Variants in MTUS2 observed in about 807,000 individuals in gnomAD.
MTUS2 encodes the protein microtubule associated scaffold protein 2.
Under a neutral mutation model 114.1 loss-of-function variants are expected in MTUS2, and 40 were observed. That is an observed-to-expected ratio of 0.35 (90% CI 0.27 to 0.46). The LOEUF (loss-of-function observed/expected upper bound fraction) is 0.46. Ranked by LOEUF, MTUS2 falls within the 20% of genes least tolerant of loss-of-function variation. The pLI, the probability that MTUS2 is intolerant of heterozygous loss-of-function variation, is 1.00. For synonymous variants in MTUS2, 688 were observed against 672.0 expected (o/e 1.02, Z -0.37); for missense variants, 1,679 against 1,705.4 (o/e 0.98, Z 0.27).
At chr13:29,253,686 C>T (rs1474041753) in intron 5 of MTUS2, among the ~76,000 whole-genome samples, 1 of 152,056 alleles carries the variant, frequency 6.6e-6, no homozygotes, top group African/African-American at 2.4e-5. Context: ...TTTCATACTG[C>T]TATGAAGAAA....
intron 8 of MTUS2, among the ~76,000 whole-genome samples, chr13:29,372,494 T>A (rs1447322158): frequency 2.0e-5 from 2 of 100,718 alleles, no homozygotes; most frequent in Admixed American, 1.2e-4. Flanking sequence ...AACTATAAGG[T>A]TGACCAGAAG....
chr13:29,238,509 T>C (rs1896618341), intron 5 of MTUS2, among the ~76,000 whole-genome samples: 1 of 152,178 alleles, frequency 6.6e-6, no homozygotes, highest in Admixed American at 6.5e-5. Context: ...CCAACAGTCC[T>C]AAAAGCTCAA....
chr13:29,092,632 G>C (rs1890008667), intron 4 of MTUS2, among the ~76,000 whole-genome samples: 3 of 152,156 alleles, frequency 2.0e-5, no homozygotes, highest in Admixed American at 2.0e-4. Flanking sequence ...CTGAGCATGG[G>C]ATCCAGGCTG....
At chr13:28,900,926 A>G (rs969890839) in intron 2 of MTUS2, among the ~76,000 whole-genome samples, 5 of 152,174 alleles carry the variant, frequency 3.3e-5, no homozygotes. Flanking sequence ...TCTCAGTAGT[A>G]TTGTGATTGC....
chr13:29,248,669 G>A (rs773942044), intron 5 of MTUS2, among the ~76,000 whole-genome samples: 8 of 151,800 alleles, frequency 5.3e-5, no homozygotes, highest in Non-Finnish European at 1.0e-4. Flanking sequence ...GTTGTTCCCC[G>A]CCTTGTGTCC....
In MTUS2 at chr13:28,956,273, C is replaced by CT. The variant is rs992851162; in HGVS notation, c.-242-68178dup. ...TCATTTCCGCCATGGTTGTCACTAG[C>CT]TTTTTTCAGTCCCCACCCTCACCCT... On this transcript the variant is annotated intron_variant, in intron 2 of 15. Coordinates refer to ENST00000612955, the MANE Select transcript of MTUS2 (RefSeq NM_001033602.4). Among the ~76,000 whole-genome samples, 17 of 152,064 alleles carry CT rather than the reference C, an allele frequency of 1.1e-4. 1 individual carries two copies. The highest frequency in any genetic ancestry group is 6.6e-5 in the Admixed American group (1 of 15,262).
chr13:29,273,124 A>G (rs931098840), intron 5 of MTUS2, among the ~76,000 whole-genome samples: 8 of 152,192 alleles, frequency 5.3e-5, no homozygotes, highest in Non-Finnish European at 1.0e-4. Context: ...CAACATCTGA[A>G]TGTTGGAGGA....
At chr13:29,407,235 G>C (rs1874829206) in intron 8 of MTUS2, among the ~76,000 whole-genome samples, 1 of 152,082 alleles carries the variant, frequency 6.6e-6, no homozygotes, top group East Asian at 1.9e-4. Context: ...AACAGAGCGA[G>C]ACTGCATCTC....
intron 5 of MTUS2, among the ~76,000 whole-genome samples, chr13:29,228,956 T>C (rs918057626): frequency 1.8e-4 from 28 of 152,142 alleles, no homozygotes; most frequent in African/African-American, 6.8e-4. Context: ...CAAGACAATA[T>C]CCTTAGGACA....
chr13:29,120,425 C>T (rs1891260859), intron 5 of MTUS2, among the ~76,000 whole-genome samples: 1 of 151,828 alleles, frequency 6.6e-6, no homozygotes, highest in African/African-American at 2.4e-5. Context: ...CAGTATTATG[C>T]ATGAGACTAT....
chr13:29,465,317 C>T (rs1243519963), intron 9 of MTUS2, among the ~76,000 whole-genome samples: 6 of 152,264 alleles, frequency 3.9e-5, no homozygotes, highest in African/African-American at 7.2e-5. Context: ...TAGATAAGGA[C>T]GGTGAGGCTT....
chr13:29,340,087 C>T (rs1298065963), intron 7 of MTUS2, among the ~76,000 whole-genome samples: 5 of 152,234 alleles, frequency 3.3e-5, no homozygotes. Flanking sequence ...CAAGCTGGCA[C>T]CCTCTGGCCA....
chr13:29,004,160 T>C (rs950215707), intron 2 of MTUS2, among the ~76,000 whole-genome samples: 1 of 152,194 alleles, frequency 6.6e-6, no homozygotes, highest in Non-Finnish European at 1.5e-5. Flanking sequence ...TGACATTTTC[T>C]GTCTGCAACT....
intron 2 of MTUS2, among the ~76,000 whole-genome samples, chr13:28,895,676 T>C (rs1468112770): frequency 6.6e-6 from 1 of 152,162 alleles, no homozygotes; most frequent in Admixed American, 6.5e-5. Flanking sequence ...AATAACTGAG[T>C]TGTTCATTGT....
intron 5 of MTUS2, among the ~76,000 whole-genome samples, chr13:29,133,551 A>C (rs971387176): frequency 1.3e-5 from 2 of 152,206 alleles, no homozygotes; most frequent in African/African-American, 4.8e-5. Context: ...TAAAGGCCCA[A>C]CTTTGTTGTT....
chr13:28,823,856 C>T (rs1453464353), intron 1 of MTUS2, among the ~76,000 whole-genome samples: 3 of 152,126 alleles, frequency 2.0e-5, no homozygotes, highest in Non-Finnish European at 4.4e-5. Flanking sequence ...GCAAACACGT[C>T]CTTCTTCACA....
At chr13:29,001,521 C>T (rs960379059) in intron 2 of MTUS2, among the ~76,000 whole-genome samples, 3 of 152,116 alleles carry the variant, frequency 2.0e-5, no homozygotes, top group Admixed American at 1.3e-4. Flanking sequence ...TCAACTGAAA[C>T]GCAGGCAGAT....
intron 6 of MTUS2, among the ~76,000 whole-genome samples, chr13:29,287,611 T>C (rs555448770): frequency 1.3e-5 from 2 of 152,340 alleles, no homozygotes; most frequent in South Asian, 4.1e-4. Flanking sequence ...TTGTCCCTTC[T>C]TATGATGAGC....
intron 5 of MTUS2, among the ~76,000 whole-genome samples, chr13:29,186,868 GA>G (rs1342749798): frequency 6.6e-6 from 1 of 152,148 alleles, no homozygotes; most frequent in Admixed American, 6.6e-5. Context: ...GAAAATGTTA[GA>G]TTATAAAGTC....
Sources: allele counts gnomAD v4.1 joint callset (sites outside exome capture counted in the v4.1 genomes callset), GRCh38; gene constraint gnomAD v4.1.1; transcripts MANE v1.5; gene names NCBI Gene and HGNC (gene_info 2026-07-23, HGNC 2026-07-21).